GRM5: variants seen among roughly 807,000 people sequenced by gnomAD.
GRM5 encodes the protein glutamate metabotropic receptor 5.
Under a neutral mutation model 83.1 loss-of-function variants are expected in GRM5, and 19 were observed. The observed-to-expected ratio is 0.23, with a 90% confidence interval of 0.16 to 0.34. The LOEUF (loss-of-function observed/expected upper bound fraction) is 0.34, where lower values mean the gene tolerates loss of function less well. Among genes scored for constraint, GRM5 ranks in the 10% least tolerant of loss-of-function variants. The pLI, the probability that GRM5 is intolerant of heterozygous loss-of-function variation, is 1.00. For synonymous variants in GRM5, 675 were observed against 633.6 expected (o/e 1.07, Z -0.98); for missense variants, 1,160 against 1,588.3 (o/e 0.73, Z 4.58).
At chr11:88,956,506 T>C (rs947686808) in intron 2 of GRM5, among the ~76,000 whole-genome samples, 1 of 152,154 alleles carries the variant, frequency 6.6e-6, no homozygotes, top group Non-Finnish European at 1.5e-5. Flanking sequence ...CAGTATGTAG[T>C]ATATTAAAAA....
At chr11:88,652,505 C>T (rs967122830) in intron 4 of GRM5, among the ~76,000 whole-genome samples, 2 of 152,044 alleles carry the variant, frequency 1.3e-5, no homozygotes, top group African/African-American at 4.8e-5. Flanking sequence ...TTTTTGTTGG[C>T]ATTACTATCT....
At chr11:88,608,756 G>C (rs769824130) in intron 4 of GRM5, among the ~76,000 whole-genome samples, 2 of 151,888 alleles carry the variant, frequency 1.3e-5, no homozygotes, top group Admixed American at 6.6e-5. Flanking sequence ...TCCTGACCTC[G>C]TGATTGGCCC....
At chr11:88,717,944 A>G (rs1360143845) in intron 3 of GRM5, among the ~76,000 whole-genome samples, 1 of 151,918 alleles carries the variant, frequency 6.6e-6, no homozygotes, top group African/African-American at 2.4e-5. Context: ...AAGGAAATAC[A>G]TCAAAATAAT....
chr11:88,715,994 T>A (rs1941391483), intron 3 of GRM5, among the ~76,000 whole-genome samples: 1 of 151,946 alleles, frequency 6.6e-6, no homozygotes. Flanking sequence ...CAAGCTAGAA[T>A]CCCTTCCAGC....
chr11:88,575,280 A>G (rs1943086624), intron 7 of GRM5, among the ~76,000 whole-genome samples: 1 of 152,240 alleles, frequency 6.6e-6, no homozygotes, highest in South Asian at 2.1e-4. Flanking sequence ...CAGAAATTTT[A>G]TGTAATCATC....
intron 9 of GRM5, among the ~76,000 whole-genome samples, chr11:88,519,979 C>A (rs531762650): frequency 1.3e-5 from 2 of 152,192 alleles, no homozygotes; most frequent in Non-Finnish European, 2.9e-5. Flanking sequence ...AATGACACTC[C>A]GTGGTCACAC....
At chr11:88,881,725 C>T (rs945790545) in intron 2 of GRM5, among the ~76,000 whole-genome samples, 2 of 152,040 alleles carry the variant, frequency 1.3e-5, no homozygotes, top group African/African-American at 2.4e-5. Flanking sequence ...ACTTCAGCTT[C>T]AATACTCCAA....
At chr11:88,995,467 C>T (rs1161767325) in intron 2 of GRM5, among the ~76,000 whole-genome samples, 1 of 148,972 alleles carries the variant, frequency 6.7e-6, no homozygotes, top group Non-Finnish European at 1.5e-5. Context: ...ATCACTTGAA[C>T]CCGGGAGGTA....
chr11:88,835,445 T>A (rs2135524579), intron 3 of GRM5, among the ~76,000 whole-genome samples: 1 of 152,332 alleles, frequency 6.6e-6, no homozygotes, highest in East Asian at 1.9e-4. Flanking sequence ...GCATCTGTTT[T>A]GATTGGATCC....
At chr11:88,799,534 T>C (rs1170738718) in intron 3 of GRM5, among the ~76,000 whole-genome samples, 2 of 152,106 alleles carry the variant, frequency 1.3e-5, no homozygotes, top group Non-Finnish European at 2.9e-5. Flanking sequence ...TGGAGTTATA[T>C]ATAATATGGA....
At chr11:88,546,457 C>T (rs1198957483) in intron 8 of GRM5, among the ~76,000 whole-genome samples, 1 of 152,056 alleles carries the variant, frequency 6.6e-6, no homozygotes, top group Non-Finnish European at 1.5e-5. Context: ...TAAAGTTCCC[C>T]AGAATTGTCC....
intron 2 of GRM5, among the ~76,000 whole-genome samples, chr11:89,028,870 G>T (rs1040323715): frequency 6.6e-6 from 1 of 152,070 alleles, no homozygotes; most frequent in African/African-American, 2.4e-5. Flanking sequence ...CACGTGCCAT[G>T]GTGGTTTGCT....
intron 3 of GRM5, among the ~76,000 whole-genome samples, chr11:88,746,171 C>T (rs1180334975): frequency 1.3e-5 from 2 of 152,088 alleles, no homozygotes; most frequent in Non-Finnish European, 2.9e-5. Context: ...TAACACGGCC[C>T]AACAAACAGC....
chr11:88,985,164 T>A (rs984536782), intron 2 of GRM5, among the ~76,000 whole-genome samples: 9 of 152,090 alleles, frequency 5.9e-5, no homozygotes, highest in Non-Finnish European at 1.0e-4. Context: ...TTGGTTGCAG[T>A]ATCATCATTT....
chr11:88,767,211 G>A (rs1285024580), intron 3 of GRM5, among the ~76,000 whole-genome samples: 2 of 151,890 alleles, frequency 1.3e-5, no homozygotes, highest in Non-Finnish European at 2.9e-5. Context: ...AGAGAAAAGG[G>A]AACACATATA....
intron 2 of GRM5, among the ~76,000 whole-genome samples, chr11:88,989,353 T>C (rs1346259857): frequency 7.4e-6 from 1 of 135,602 alleles, no homozygotes. Flanking sequence ...GCACCCAGAT[T>C]CATAAATCAA....
At chr11:88,787,131 A>ATG (rs57116541) in intron 3 of GRM5, among the ~76,000 whole-genome samples, 30,131 of 143,066 alleles carry the variant, frequency 0.21, 3,518 homozygotes, top group Non-Finnish European at 0.28. Flanking sequence ...ATATGATATG[A>ATG]TGTGTGTGTG....
At chr11:88,746,255 A>G (rs1028885357) in intron 3 of GRM5, among the ~76,000 whole-genome samples, 1 of 147,398 alleles carries the variant, frequency 6.8e-6, no homozygotes, top group Non-Finnish European at 1.5e-5. Flanking sequence ...TTGGTTAATA[A>G]TACATTTTTT....
Position 88,590,683 on chromosome 11 carries a change from A to G in GRM5, c.1608T>C (p.Pro536=), listed in dbSNP as rs1017112099. ...CAAAGACATACTCATTCTCCTTACA[A>G]GGTGTACAGGTCCAACAACAGCTGA... ...GEVSCCWTCT[P]CKENEYVFDE... is the part of the protein sequence containing the mutation. The change falls in exon 7 of 10, where the codon CCT becomes CCC. Residue 536 remains proline, a synonymous_variant. Coordinates refer to ENST00000305447, the MANE Select transcript of GRM5 (RefSeq NM_001143831.3). The G allele has an allele frequency of 1.2e-6, 2 of 1,608,968 alleles. No individual in the cohort carries two copies. Among genetic ancestry groups the G allele is most frequent in the East Asian group, 4.5e-5 (2 of 44,872 alleles).
Sources: allele counts gnomAD v4.1 joint callset (sites outside exome capture counted in the v4.1 genomes callset), GRCh38; gene constraint gnomAD v4.1.1; transcripts MANE v1.5; gene names NCBI Gene and HGNC (gene_info 2026-07-23, HGNC 2026-07-21).